Variants in THSD7B observed in about 807,000 individuals in gnomAD.
THSD7B encodes the protein thrombospondin type 1 domain containing 7B.
In THSD7B, 138 loss-of-function variants were observed where a neutral mutation model predicts 213.6. That is an observed-to-expected ratio of 0.65 (90% confidence interval 0.56 to 0.74). The LOEUF (loss-of-function observed/expected upper bound fraction) is 0.74, where lower values mean the gene tolerates loss of function less well. THSD7B is among the 30% of genes least tolerant of loss of function. The probability of loss-of-function intolerance (pLI) is 0.00; values close to 1 mark genes in which losing one functional copy is unlikely to be tolerated. For missense variants in THSD7B, 1,931 were observed against 1,991.5 expected (o/e 0.97, Z 0.58); for synonymous variants, 742 against 687.0 (o/e 1.08, Z -1.25).
At chr2:137,427,766 T>C (rs2105035109) in intron 14 of THSD7B, among the ~76,000 whole-genome samples, 1 of 152,242 alleles carries the variant, frequency 6.6e-6, no homozygotes, top group East Asian at 1.9e-4. Flanking sequence ...TACTTGAATG[T>C]ACGTCATGGC....
At chr2:136,977,053 T>C (rs999734551) in intron 2 of THSD7B, among the ~76,000 whole-genome samples, 1 of 152,230 alleles carries the variant, frequency 6.6e-6, no homozygotes, top group Non-Finnish European at 1.5e-5. Flanking sequence ...TACCAGCTCC[T>C]CTTTGTATCT....
intron 7 of THSD7B, among the ~76,000 whole-genome samples, chr2:137,209,463 A>C (rs1681053668): frequency 6.6e-6 from 1 of 152,086 alleles, no homozygotes; most frequent in South Asian, 2.1e-4. Flanking sequence ...AGGGTGCCAG[A>C]TTTGTGAAAC....
intron 2 of THSD7B, among the ~76,000 whole-genome samples, chr2:137,007,441 G>A (rs563317384): frequency 6.6e-6 from 1 of 152,286 alleles, no homozygotes; most frequent in South Asian, 2.1e-4. Context: ...CCATCTAATG[G>A]AGAAATAAAG....
At chr2:137,652,428 A>G (rs78539012) in intron 21 of THSD7B, among the ~76,000 whole-genome samples, 1 of 151,814 alleles carries the variant, frequency 6.6e-6, no homozygotes, top group African/African-American at 2.4e-5. Context: ...TTCACTTTCA[A>G]TGTCTTTCAC....
At chr2:137,224,735 G>A (rs916926432) in intron 7 of THSD7B, among the ~76,000 whole-genome samples, 1 of 151,966 alleles carries the variant, frequency 6.6e-6, no homozygotes, top group African/African-American at 2.4e-5. Flanking sequence ...GCAGTGGCGC[G>A]ATCTCGGCTC....
chr2:137,249,255 T>A (rs527668691), intron 10 of THSD7B, among the ~76,000 whole-genome samples: 2 of 152,168 alleles, frequency 1.3e-5, no homozygotes, highest in African/African-American at 4.8e-5. Flanking sequence ...TCCTATATAT[T>A]TTTTTAATTA....
chr2:137,144,740 C>A (rs1416538379), intron 5 of THSD7B, among the ~76,000 whole-genome samples: 1 of 151,896 alleles, frequency 6.6e-6, no homozygotes, highest in Non-Finnish European at 1.5e-5. Flanking sequence ...AAAAAATATC[C>A]ATTTCATGGA....
At chr2:137,559,295 G>A (rs1040799046) in intron 15 of THSD7B, among the ~76,000 whole-genome samples, 24 of 152,204 alleles carry the variant, frequency 1.6e-4, no homozygotes, top group East Asian at 3.9e-4. Context: ...GAGGCATCAC[G>A]CTACCTGACT....
intron 2 of THSD7B, among the ~76,000 whole-genome samples, chr2:136,924,453 C>G (rs1041632776): frequency 6.6e-6 from 1 of 152,156 alleles, no homozygotes; most frequent in African/African-American, 2.4e-5. Context: ...AAGGGACTAT[C>G]CTTTCTTCAT....
intron 12 of THSD7B, among the ~76,000 whole-genome samples, chr2:137,354,905 T>C (rs1276238357): frequency 6.6e-6 from 1 of 152,052 alleles, no homozygotes; most frequent in African/African-American, 2.4e-5. Context: ...TATCTAAAAT[T>C]AACAGTGAAG....
At chr2:136,871,478 T>C (rs370513547) in intron 1 of THSD7B, among the ~76,000 whole-genome samples, 4 of 151,782 alleles carry the variant, frequency 2.6e-5, no homozygotes, top group South Asian at 4.2e-4. Context: ...TGAGGAGAGT[T>C]TGATGTCTCT....
intron 15 of THSD7B, among the ~76,000 whole-genome samples, chr2:137,544,572 AAGTACAAGAGATTTAGTTCCCACTGTT>A (rs1680672242): frequency 6.6e-6 from 1 of 151,874 alleles, no homozygotes; most frequent in Admixed American, 6.6e-5. Context: ...GTTAAAGAGT[AAGTACAAGAGATTTAGTTCCCACTGTT>A]GAAGATGTAT....
intron 12 of THSD7B, among the ~76,000 whole-genome samples, chr2:137,385,425 A>G (rs1307755284): frequency 6.6e-6 from 1 of 152,184 alleles, no homozygotes; most frequent in African/African-American, 2.4e-5. Flanking sequence ...AGGAATCACA[A>G]GGCAGATGAT....
At chr2:137,528,247 G>A (rs1276446568) in intron 15 of THSD7B, among the ~76,000 whole-genome samples, 1 of 151,988 alleles carries the variant, frequency 6.6e-6, no homozygotes, top group Non-Finnish European at 1.5e-5. Flanking sequence ...GCAGATATTT[G>A]GAAAGGAAGC....
intron 2 of THSD7B, among the ~76,000 whole-genome samples, chr2:136,923,400 G>A (rs1373839549): frequency 1.3e-5 from 2 of 152,170 alleles, no homozygotes; most frequent in African/African-American, 4.8e-5. Flanking sequence ...GAATAATGCT[G>A]TAATGTGCAT....
At chr2:137,534,652 T>TA (rs1179275565) in intron 15 of THSD7B, among the ~76,000 whole-genome samples, 6 of 151,780 alleles carry the variant, frequency 4.0e-5, no homozygotes, top group Admixed American at 3.9e-4. Context: ...ATACTATCAA[T>TA]ATAAGTTTTC....
intron 1 of THSD7B, among the ~76,000 whole-genome samples, chr2:136,878,681 T>TTTTTTCA (rs1683566348): frequency 6.6e-6 from 1 of 152,200 alleles, no homozygotes; most frequent in African/African-American, 2.4e-5. Flanking sequence ...ATGATGAGCA[T>TTTTTTCA]TTTTTCATGT....
chr2:136,882,361 G>A (rs2104991627), intron 2 of THSD7B, 44 bp downstream of exon 2: 1 of 1,421,298 alleles, frequency 7.0e-7, no homozygotes, highest in African/African-American at 1.5e-5. Context: ...TTCATTAACA[G>A]GAAGAATATT....
chr2:136,841,429 A>G (rs916463257), intron 1 of THSD7B, among the ~76,000 whole-genome samples: 4 of 151,568 alleles, frequency 2.6e-5, no homozygotes, highest in African/African-American at 9.7e-5. Flanking sequence ...CTCCATCTCC[A>G]CTAAAAATAC....
Sources: allele counts gnomAD v4.1 joint callset (sites outside exome capture counted in the v4.1 genomes callset), GRCh38; gene constraint gnomAD v4.1.1; transcripts MANE v1.5; gene names NCBI Gene and HGNC (gene_info 2026-07-23, HGNC 2026-07-21).